SH3BGR: variants seen among roughly 807,000 people sequenced by gnomAD.
SH3BGR encodes the protein SH3 domain-binding glutamic acid-rich protein.
In SH3BGR, 29 loss-of-function variants were observed where a neutral mutation model predicts 24.5. The observed-to-expected ratio is 1.18, with a 90% CI of 0.88 to 1.61. SH3BGR has a LOEUF of 1.61. Among genes scored for constraint, SH3BGR ranks in the 40% most tolerant of loss-of-function variants. SH3BGR has a pLI of 0.00. For missense variants in SH3BGR, 162 were observed against 205.8 expected (o/e 0.79, Z 1.30); for synonymous variants, 55 against 65.7 (o/e 0.84, Z 0.79).
chr21:39,449,524 G>A (rs183962338), upstream of SH3BGR, among the ~76,000 whole-genome samples: 27 of 152,268 alleles, frequency 1.8e-4, no homozygotes, highest in African/African-American at 6.0e-4. Flanking sequence ...CGCTATTCCT[G>A]TTAATTATGT....
rs1434276913 is a variant in SH3BGR at position 39,493,820 on chromosome 21, G to T, written c.313-6003G>T. On this transcript the variant is annotated intron_variant, in intron 3 of 6. Transcript: ENST00000333634. ...CAGTTTTGTAATTTTCCTTGTAGAG[G>T]TCTTTCACCTCCTTGGTTAGGTATA... Among the ~76,000 whole-genome samples, 3 of 152,042 alleles carry T rather than the reference G, an allele frequency of 2.0e-5. No individual in the cohort carries two copies. The East Asian group carries it at 5.8e-4, about 29-fold the overall frequency.
At chr21:39,487,408 G>A (rs2078229206) in intron 3 of SH3BGR, among the ~76,000 whole-genome samples, 1 of 152,138 alleles carries the variant, frequency 6.6e-6, no homozygotes, top group South Asian at 2.1e-4. Context: ...CTCCCAAAGT[G>A]CTGGGATTAT....
At chr21:39,460,758 G>A (rs1480937631) in intron 1 of SH3BGR, among the ~76,000 whole-genome samples, 2 of 152,056 alleles carry the variant, frequency 1.3e-5, no homozygotes, top group African/African-American at 2.4e-5. Context: ...GTGAGCCACC[G>A]CACCCAGCCT....
chr21:39,496,506 CAAAAAA>C (rs56909090), intron 3 of SH3BGR, among the ~76,000 whole-genome samples: 1 of 103,080 alleles, frequency 9.7e-6, no homozygotes, highest in Non-Finnish European at 1.9e-5. Flanking sequence ...GACTCCGTCT[CAAAAAA>C]AAAAAAAAAA....
intron 6 of SH3BGR, among the ~76,000 whole-genome samples, chr21:39,512,428 T>C (rs542878935): frequency 6.6e-6 from 1 of 152,200 alleles, no homozygotes; most frequent in Non-Finnish European, 1.5e-5. Context: ...AGTAAGCTCT[T>C]GCTGCCTTCT....
At chr21:39,493,330 A>G (rs1484917475) in intron 3 of SH3BGR, among the ~76,000 whole-genome samples, 1 of 152,182 alleles carries the variant, frequency 6.6e-6, no homozygotes, top group Non-Finnish European at 1.5e-5. Context: ...ATTCTCCTAC[A>G]TGTGGCTTGC....
intron 2 of SH3BGR, among the ~76,000 whole-genome samples, chr21:39,473,475 C>T (rs2077975058): frequency 6.6e-6 from 1 of 152,164 alleles, no homozygotes; most frequent in African/African-American, 2.4e-5. Context: ...ATGTTATATT[C>T]CTTTCAACCA....
At chr21:39,467,860 G>T (rs2077869492) in intron 2 of SH3BGR, among the ~76,000 whole-genome samples, 1 of 152,192 alleles carries the variant, frequency 6.6e-6, no homozygotes, top group Non-Finnish European at 1.5e-5. Context: ...GCTACTCTAT[G>T]CAGAGCAAAT....
At chr21:39,485,829 A>G (rs1194098564) in intron 3 of SH3BGR, among the ~76,000 whole-genome samples, 4 of 151,816 alleles carry the variant, frequency 2.6e-5, no homozygotes, top group Non-Finnish European at 5.9e-5. Flanking sequence ...CTGGGACTAC[A>G]GGCGCCCGCC....
At chr21:39,477,599 A>G (rs1303562510) in intron 3 of SH3BGR, among the ~76,000 whole-genome samples, 1 of 152,220 alleles carries the variant, frequency 6.6e-6, no homozygotes, top group Non-Finnish European at 1.5e-5. Context: ...AAAAATGCAC[A>G]CAACTTTTTA....
At chr21:39,512,792 C>CAAAACA (rs919398357) in intron 6 of SH3BGR, among the ~76,000 whole-genome samples, 8 of 151,534 alleles carry the variant, frequency 5.3e-5, no homozygotes, top group South Asian at 2.1e-4. Flanking sequence ...ACTCTGTCTC[C>CAAAACA]AAAACAAAAA....
At chr21:39,456,605 C>G (rs1415617469) in intron 1 of SH3BGR, among the ~76,000 whole-genome samples, 2 of 149,266 alleles carry the variant, frequency 1.3e-5, no homozygotes, top group Admixed American at 6.7e-5. Context: ...GTAGCAGATT[C>G]CATGCGGGGT....
chr21:39,496,063 A>C (rs904635052), intron 3 of SH3BGR, among the ~76,000 whole-genome samples: 7 of 152,240 alleles, frequency 4.6e-5, no homozygotes, highest in Admixed American at 3.9e-4. Flanking sequence ...GCAATACTGA[A>C]GCATTTCTAT....
At chr21:39,499,983 T>C in intron 4 of SH3BGR, 68 bp downstream of exon 4, 1 of 1,144,062 alleles carries the variant, frequency 8.7e-7, no homozygotes, top group Non-Finnish European at 1.3e-6. Flanking sequence ...ACAGGGCTTG[T>C]ACAACTTGAC....
At chr21:39,488,682 C>G in intron 3 of SH3BGR, 1 of 413,348 alleles carries the variant, frequency 2.4e-6, no homozygotes, top group East Asian at 6.5e-5. Context: ...TCCGGCAAGT[C>G]CTTGTCATAC....
intron 2 of SH3BGR, among the ~76,000 whole-genome samples, chr21:39,463,272 C>A (rs1230162387): frequency 3.3e-5 from 5 of 152,234 alleles, no homozygotes; most frequent in African/African-American, 1.2e-4. Flanking sequence ...AGTTTGAAAA[C>A]TGTTCTGGGC....
intron 4 of SH3BGR, among the ~76,000 whole-genome samples, chr21:39,506,086 C>T (rs2078578125): frequency 6.6e-6 from 1 of 152,176 alleles, no homozygotes. Flanking sequence ...CAATCACTAA[C>T]ACCTATTTAT....
chr21:39,514,848 T>G (rs1465575638), intron 6 of SH3BGR, among the ~76,000 whole-genome samples: 1 of 152,222 alleles, frequency 6.6e-6, no homozygotes, highest in Non-Finnish European at 1.5e-5. Context: ...GAAATTATAA[T>G]TGGAGATGTT....
At chr21:39,512,640 G>A (rs2078715664) in intron 6 of SH3BGR, among the ~76,000 whole-genome samples, 1 of 152,078 alleles carries the variant, frequency 6.6e-6, no homozygotes, top group Non-Finnish European at 1.5e-5. Context: ...GACATGAAGT[G>A]CATTAGCCGG....
Sources: allele counts gnomAD v4.1 joint callset (sites outside exome capture counted in the v4.1 genomes callset), GRCh38; gene constraint gnomAD v4.1.1; transcripts MANE v1.5; gene names NCBI Gene and HGNC (gene_info 2026-07-23, HGNC 2026-07-21).